PTPRD: variants seen among roughly 807,000 people sequenced by gnomAD.
The protein encoded by PTPRD is protein tyrosine phosphatase receptor type D, also known as receptor-type tyrosine-protein phosphatase delta.
PTPRD carries 34 observed loss-of-function variants against 214.5 expected under a neutral mutation model. The observed-to-expected ratio is 0.16, with a 90% CI of 0.12 to 0.21. The LOEUF (loss-of-function observed/expected upper bound fraction) is 0.21. Ranked by LOEUF, PTPRD falls within the 10% of genes least tolerant of loss-of-function variation. The pLI, the probability that PTPRD is intolerant of heterozygous loss-of-function variation, is 1.00. For missense variants in PTPRD, 2,545 were observed against 2,398.7 expected (o/e 1.06, Z -1.27); for synonymous variants, 1,128 against 845.7 (o/e 1.33, Z -5.79).
At chr9:9,634,179 A>G (rs1168614175) in intron 7 of PTPRD, among the ~76,000 whole-genome samples, 1 of 152,166 alleles carries the variant, frequency 6.6e-6, no homozygotes, top group Non-Finnish European at 1.5e-5. Context: ...CCAAATTAAC[A>G]TATGCCAAAA....
intron 4 of PTPRD, among the ~76,000 whole-genome samples, chr9:9,940,515 A>G (rs1162249027): frequency 6.6e-6 from 1 of 152,190 alleles, no homozygotes; most frequent in Non-Finnish European, 1.5e-5. Flanking sequence ...ATCTCTACCT[A>G]GATGTATAAT....
chr9:8,443,396 A>T (rs1445360080), intron 34 of PTPRD, among the ~76,000 whole-genome samples: 2 of 152,226 alleles, frequency 1.3e-5, no homozygotes, highest in Non-Finnish European at 2.9e-5. Context: ...AATAGATCAG[A>T]AGAGACAGCT....
chr9:10,196,517 A>G (rs1161598853), intron 3 of PTPRD, among the ~76,000 whole-genome samples: 1 of 152,168 alleles, frequency 6.6e-6, no homozygotes, highest in East Asian at 1.9e-4. Flanking sequence ...TACTCTTTTA[A>G]TGCCTTATCA....
chr9:10,364,430 C>T (rs1357411076), intron 2 of PTPRD, among the ~76,000 whole-genome samples: 1 of 152,150 alleles, frequency 6.6e-6, no homozygotes, highest in South Asian at 2.1e-4. Flanking sequence ...ACAGCCCTGA[C>T]TTCACCACTA....
chr9:10,462,432 AT>A (rs1296379694), intron 2 of PTPRD, among the ~76,000 whole-genome samples: 5 of 152,182 alleles, frequency 3.3e-5, no homozygotes, highest in African/African-American at 7.2e-5. Flanking sequence ...AAGTAAACTA[AT>A]TCACCAAACA....
At chr9:10,343,509 G>A (rs1410612314) in intron 2 of PTPRD, among the ~76,000 whole-genome samples, 1 of 152,030 alleles carries the variant, frequency 6.6e-6, no homozygotes, top group Non-Finnish European at 1.5e-5. Flanking sequence ...GGGATTGCTG[G>A]GTCAAATGGT....
At chr9:9,228,427 A>G (rs1466683680) in intron 9 of PTPRD, among the ~76,000 whole-genome samples, 1 of 152,152 alleles carries the variant, frequency 6.6e-6, no homozygotes, top group Admixed American at 6.6e-5. Context: ...TTGCAAATCA[A>G]TAGTTCAATA....
intron 36 of PTPRD, among the ~76,000 whole-genome samples, chr9:8,394,476 G>A (rs1265900928): frequency 6.6e-6 from 1 of 152,132 alleles, no homozygotes; most frequent in African/African-American, 2.4e-5. Context: ...CACTTGCTAA[G>A]AATTTAGAGA....
chr9:10,514,049 A>G (rs745453165), intron 2 of PTPRD, among the ~76,000 whole-genome samples: 13 of 152,176 alleles, frequency 8.5e-5, no homozygotes, highest in Non-Finnish European at 1.5e-4. Flanking sequence ...CACTACATTA[A>G]TGTCAATTCA....
intron 10 of PTPRD, among the ~76,000 whole-genome samples, chr9:9,067,547 T>A (rs1046694045): frequency 6.6e-6 from 1 of 152,228 alleles, no homozygotes; most frequent in African/African-American, 2.4e-5. Context: ...GGTACTTATC[T>A]TCTATATATT....
At chr9:9,958,035 A>G (rs1025410898) in intron 4 of PTPRD, among the ~76,000 whole-genome samples, 27 of 151,922 alleles carry the variant, frequency 1.8e-4, no homozygotes, top group African/African-American at 6.6e-4. Context: ...TGTGTAAGAG[A>G]GAGAATCTAG....
At chr9:9,695,594 G>T (rs763400715) in intron 7 of PTPRD, among the ~76,000 whole-genome samples, 16 of 152,046 alleles carry the variant, frequency 1.1e-4, no homozygotes, top group Non-Finnish European at 2.1e-4. Context: ...CCAGTTTATT[G>T]AGAGTTTTTA....
intron 9 of PTPRD, among the ~76,000 whole-genome samples, chr9:9,191,422 C>T (rs1223628189): frequency 1.3e-5 from 2 of 152,060 alleles, no homozygotes; most frequent in East Asian, 3.9e-4. Flanking sequence ...CGTGAGAGGT[C>T]TGGAGCAAGA....
chr9:8,422,985 A>C (rs1415791061), intron 35 of PTPRD, among the ~76,000 whole-genome samples: 2 of 152,174 alleles, frequency 1.3e-5, no homozygotes, highest in African/African-American at 4.8e-5. Flanking sequence ...CCACATAGGC[A>C]CTCCTGAGTT....
chr9:10,495,821 G>A (rs910423440), intron 2 of PTPRD, among the ~76,000 whole-genome samples: 3 of 151,530 alleles, frequency 2.0e-5, no homozygotes, highest in Non-Finnish European at 3.0e-5. Flanking sequence ...TTACTTAATG[G>A]TATATGTTAC....
intron 11 of PTPRD, among the ~76,000 whole-genome samples, chr9:8,854,948 A>T (rs1219187919): frequency 1.3e-5 from 2 of 152,202 alleles, no homozygotes; most frequent in Non-Finnish European, 2.9e-5. Flanking sequence ...TCACATATGA[A>T]TTTGCACCAA....
intron 10 of PTPRD, among the ~76,000 whole-genome samples, chr9:9,076,507 T>A (rs1346910132): frequency 6.6e-6 from 1 of 152,136 alleles, no homozygotes; most frequent in African/African-American, 2.4e-5. Context: ...ATGAGTTCAA[T>A]TATTTTCATT....
In PTPRD at chr9:9,606,965, TAAAAAAAAAAAAAAAAA is replaced by T. The variant is rs754610072; in HGVS notation, c.-286-32201_-286-32185del. ...GCAGTATCTGATTACTCAGCACTGC[TAAAAAAAAAAAAAAAAA>T]AAAAAAAAAAAAAAAAAAAAAAAGT... On this transcript the variant is annotated intron_variant, in intron 7 of 45. Transcript: ENST00000381196. Among the ~76,000 whole-genome samples the T allele has an allele frequency of 2.3e-3, 63 of 27,488 alleles. 1 individual carries two copies. Among genetic ancestry groups the T allele is most frequent in the Middle Eastern group, 0.038 (1 of 26 alleles). The allele number at this position is 27,488 out of a possible 152,430, so 18.0% of individuals were successfully genotyped here.
chr9:10,112,314 G>A (rs567496464), intron 3 of PTPRD, among the ~76,000 whole-genome samples: 10 of 152,250 alleles, frequency 6.6e-5, no homozygotes, highest in Admixed American at 6.5e-4. Flanking sequence ...TCTTATCCAT[G>A]GAGTTAATAG....
Sources: gnomAD v4.1 joint callset for allele counts (sites outside exome capture counted in the v4.1 genomes callset) on GRCh38, gnomAD v4.1.1 for gene constraint, MANE v1.5 for transcripts, NCBI Gene and HGNC (gene_info 2026-07-23, HGNC 2026-07-21) for gene names.